The following ZER1 variants were observed in gnomAD, a reference collection of about 807,000 sequenced individuals.
ZER1 encodes the protein zyg-11 related cell cycle regulator.
ZER1 carries 11 observed loss-of-function variants against 78.8 expected under a neutral mutation model. The ratio of observed to expected loss-of-function variants is 0.14; its 90% confidence interval spans 0.09 to 0.23. The LOEUF (loss-of-function observed/expected upper bound fraction) is 0.23, where lower values mean the gene tolerates loss of function less well. ZER1 is among the 10% of genes least tolerant of loss of function. ZER1 has a pLI of 1.00. For missense variants in ZER1, 588 were observed against 996.9 expected (o/e 0.59, Z 5.52); for synonymous variants, 400 against 407.0 (o/e 0.98, Z 0.21).
chr9:128,759,745 A>C (rs1198714352), intron 1 of ZER1, among the ~76,000 whole-genome samples: 1 of 152,098 alleles, frequency 6.6e-6, no homozygotes, highest in South Asian at 2.1e-4. Context: ...CAGTGACCCA[A>C]GATGGCACCA....
At chr9:128,746,819 A>G (rs1226275557) in intron 8 of ZER1, among the ~76,000 whole-genome samples, 1 of 151,960 alleles carries the variant, frequency 6.6e-6, no homozygotes, top group South Asian at 2.1e-4. Flanking sequence ...TATTTTAAGT[A>G]GAGACCGGGT....
rs551173514 is a variant in ZER1 at position 128,751,313 on chromosome 9, C to G, written c.1039-45G>C. 2.4e-5 allele frequency: 38 copies of G among 1,605,114 alleles called. No individual in the cohort carries two copies. In the African/African-American group the frequency reaches 4.8e-4, roughly 20 times the overall value. On this transcript the variant is annotated intron_variant, in intron 6 of 15. Transcript: ENST00000291900. The surrounding 1 kb of genome is among the most constrained non-coding windows in gnomAD (Gnocchi z 5.4). ...AGAACAACCCAGCAGAGGCCAAGGG[C>G]TGGGATGCCAGATCCCAGCTCAGTC...
At chr9:128,735,952 A>AT (rs1190002597) in intron 13 of ZER1, among the ~76,000 whole-genome samples, 65 of 147,008 alleles carry the variant, frequency 4.4e-4, no homozygotes, top group African/African-American at 1.1e-3. Context: ...TAATTTTTGC[A>AT]TTTTTTTTTC....
At position 128,758,580 on chromosome 9, in the gene ZER1, G is replaced by A. The variant is rs1408215957; in HGVS notation, c.-94-2921C>T. Among the ~76,000 whole-genome samples, 5 of 151,828 alleles carry A rather than the reference G, an allele frequency of 3.3e-5. No homozygotes were observed. In the East Asian group the frequency reaches 5.8e-4, roughly 18 times the overall value. Reference sequence around the variant, plus strand: ...ACTACAGGCATGCATCACCACACCCGGCTAATCTTTCTGGTTTCTTTGTTT... The same window carrying A: ...ACTACAGGCATGCATCACCACACCCAGCTAATCTTTCTGGTTTCTTTGTTT... On this transcript the variant is annotated intron_variant, in intron 1 of 15. Transcript: ENST00000291900.
Position 128,753,018 on chromosome 9 carries a change from G to T in ZER1, c.746+146C>A. On this transcript the variant is annotated intron_variant, in intron 4 of 15. Transcript: ENST00000291900. This position sits in a 1 kb window ranked among gnomAD's most constrained non-coding sequence, Gnocchi z 7.5. Reference sequence around the variant, plus strand: ...CAGCCCCAATCCAGCTGAAACACTGGGTTTAAGGAATGGGACTGTGTCTTC... The same window carrying T: ...CAGCCCCAATCCAGCTGAAACACTGTGTTTAAGGAATGGGACTGTGTCTTC... 8.3e-7 allele frequency: 1 copy of T among 1,201,890 alleles called. No homozygotes were observed. The highest frequency in any genetic ancestry group is 1.1e-6 in the Non-Finnish European group (1 of 876,638). The allele number at this position is 1,201,890 out of a possible 1,614,324, so 74.5% of individuals were successfully genotyped here.
rs370263095 is a variant in ZER1 at position 128,750,601 on chromosome 9, C to T, written c.1359+15G>A. 121 of 1,611,038 alleles carry T rather than the reference C, an allele frequency of 7.5e-5. No homozygotes were observed. Among genetic ancestry groups the T allele is most frequent in the Non-Finnish European group, 9.2e-5 (108 of 1,177,794 alleles). On this transcript the variant is annotated intron_variant, in intron 8 of 15. Coordinates refer to ENST00000291900, the MANE Select transcript of ZER1 (RefSeq NM_006336.4). The stretch of plus-strand genomic sequence containing the variant: ...TGGGCCAGAGCATGCGGGGCCGTGG[C>T]GGGTGGGGGCTCACCGTCACCTCCT...
In ZER1 at chr9:128,753,068, C is replaced by G; in HGVS notation, c.746+96G>C. ...CATCCCCACCCTCTGCCTAGCCAAGCGCTCCTGAACCCTGAGGGCGTGACA... is the reference window on the plus strand; with the variant it reads ...CATCCCCACCCTCTGCCTAGCCAAGGGCTCCTGAACCCTGAGGGCGTGACA... On this transcript the variant is annotated intron_variant, in intron 4 of 15. Coordinates refer to ENST00000291900, the MANE Select transcript of ZER1 (RefSeq NM_006336.4). This position sits in a 1 kb window ranked among gnomAD's most constrained non-coding sequence, Gnocchi z 7.5. 3.0e-6 allele frequency: 4 copies of G among 1,317,124 alleles called. No homozygotes were observed. The highest frequency in any genetic ancestry group is 3.0e-6 in the Non-Finnish European group (3 of 986,368). The allele number at this position is 1,317,124 out of a possible 1,614,324, so 81.6% of individuals were successfully genotyped here. A position where few individuals can be genotyped will look rare whatever the true frequency, so the allele number is the denominator to read the frequency against.
intron 1 of ZER1, among the ~76,000 whole-genome samples, chr9:128,759,089 C>A (rs146060964): frequency 2.0e-5 from 3 of 151,714 alleles, no homozygotes; most frequent in Admixed American, 6.6e-5. Flanking sequence ...CTCCACCTCC[C>A]GGGTTCAAGT....
In ZER1 at chr9:128,754,769, C is replaced by G. The variant is rs57799575; in HGVS notation, c.158+639G>C. 4.6e-4 allele frequency among the ~76,000 whole-genome samples: 70 copies of G among 152,148 alleles called. No homozygotes were observed. Among genetic ancestry groups the G allele is most frequent in the African/African-American group, 1.6e-3 (66 of 41,506 alleles). ...GAATTTCTGGTCTCAAGTGATCCTC[C>G]TGTCTTGGCTTCCCAAAATGCTGGA... On this transcript the variant is annotated intron_variant, in intron 2 of 15. Coordinates refer to ENST00000291900, the MANE Select transcript of ZER1 (RefSeq NM_006336.4). The surrounding 1 kb of genome is among the most constrained non-coding windows in gnomAD (Gnocchi z 4.3).
rs983149161 is a variant in ZER1 at position 128,741,510 on chromosome 9, T to C, written c.1737+25A>G. 3.1e-6 allele frequency: 5 copies of C among 1,613,800 alleles called. No homozygotes were observed. The African/African-American group carries it at 6.7e-5, about 22-fold the overall frequency. On this transcript the variant is annotated intron_variant, in intron 11 of 15. Transcript: ENST00000291900. Reference sequence around the variant, plus strand: ...GGGCCATGTGGGCAGCTGAGGCAGCTGCTGCTGCAGGAGGTGGACACTACC... The same window carrying C: ...GGGCCATGTGGGCAGCTGAGGCAGCCGCTGCTGCAGGAGGTGGACACTACC...
Position 128,735,367 on chromosome 9 carries a change from T to C in ZER1, c.2107A>G (p.Thr703Ala), listed in dbSNP as rs771591769. ...GACACGAGGTTATACAGGGCCCAGG[T>C]TGCCCAGTGCTGGCTGACAGGAGAG... ...GISPVSQHWA[T>A]WALYNLVSVY... The change falls in exon 14 of 16, where the codon ACC becomes GCC. Residue 703 changes from threonine (T) to alanine (A), a missense_variant. Physicochemically the swap from Thr to Ala is moderately conservative, Grantham distance 58. This residue lies in a region of ZER1 where 122 missense variants were observed against 173.5 expected (regional missense o/e 0.70). Coordinates refer to ENST00000291900, the MANE Select transcript of ZER1 (RefSeq NM_006336.4). 6.2e-7 allele frequency: 1 copy of C among 1,614,042 alleles called. No homozygotes were observed. Among genetic ancestry groups the C allele is most frequent in the Admixed American group, 1.7e-5 (1 of 59,986 alleles).
intron 13 of ZER1, among the ~76,000 whole-genome samples, chr9:128,736,397 GTTT>G (rs753097804): frequency 8.1e-6 from 1 of 122,868 alleles, no homozygotes. Context: ...TTTTTTCTTT[GTTT>G]TTTTTTTTTT....
Position 128,751,667 on chromosome 9 carries a change from T to A in ZER1, c.924-140A>T. ...CCCCTACTCCTTTTGTTTTTAATGG[T>A]AGGGGACATAAGCACCACCTCCTGA... On this transcript the variant is annotated intron_variant, in intron 5 of 15. Coordinates refer to ENST00000291900, the MANE Select transcript of ZER1 (RefSeq NM_006336.4). This position sits in a 1 kb window ranked among gnomAD's most constrained non-coding sequence, Gnocchi z 5.4. 1 of 679,254 alleles carries A rather than the reference T, an allele frequency of 1.5e-6. No individual in the cohort carries two copies. Among genetic ancestry groups the A allele is most frequent in the Non-Finnish European group, 2.5e-6 (1 of 396,278 alleles). The allele number at this position is 679,254 out of a possible 1,614,324, so 42.1% of individuals were successfully genotyped here. A position where few individuals can be genotyped will look rare whatever the true frequency, so the allele number is the denominator to read the frequency against.
chr9:128,733,115 A>G, intron 15 of ZER1: 1 of 265,204 alleles, frequency 3.8e-6, no homozygotes, highest in Non-Finnish European at 7.3e-6. Context: ...AAAATAATGA[A>G]TAGTTCTGAC....
In ZER1 at chr9:128,755,172, C is replaced by A. The variant is rs1283763666; in HGVS notation, c.158+236G>T. Among the ~76,000 whole-genome samples the A allele has an allele frequency of 6.6e-6, 1 of 152,126 alleles. No homozygotes were observed. Among genetic ancestry groups the A allele is most frequent in the Non-Finnish European group, 1.5e-5 (1 of 68,022 alleles). ...GCATAAGCTTACATGTGTACACACA[C>A]CCATGCCTTCACGTGCACACCCCTC... On this transcript the variant is annotated intron_variant, in intron 2 of 15. Transcript: ENST00000291900. The surrounding 1 kb of genome is among the most constrained non-coding windows in gnomAD (Gnocchi z 5.6).
At chr9:128,742,864 G>A (rs1303766751) in intron 8 of ZER1, 119 bp from the exon 9 acceptor site, 6 of 991,406 alleles carry the variant, frequency 6.1e-6, no homozygotes, top group Non-Finnish European at 8.7e-6. Flanking sequence ...CCGGTTTTCT[G>A]GAAGAGGAGG....
rs1002253556 is a variant in ZER1 at position 128,732,477 on chromosome 9, C to G, written c.2243+949G>C. 6.6e-6 allele frequency among the ~76,000 whole-genome samples: 1 copy of G among 152,212 alleles called. No homozygotes were observed. Among genetic ancestry groups the G allele is most frequent in the African/African-American group, 2.4e-5 (1 of 41,448 alleles). ...CTCTGCCTCCTGGATTCAAGTGATT[C>G]TCCTGCCTCAGCCTCCCAAGTGGCT... On this transcript the variant is annotated intron_variant, in intron 15 of 15. Coordinates refer to ENST00000291900, the MANE Select transcript of ZER1 (RefSeq NM_006336.4). The surrounding 1 kb of genome is among the most constrained non-coding windows in gnomAD (Gnocchi z 4.8).
At position 128,730,773 on chromosome 9, in the gene ZER1, T is replaced by G. The variant is rs978125974; in HGVS notation, c.*564A>C. The G allele has an allele frequency of 6.5e-6, 1 of 152,740 alleles. No individual in the cohort carries two copies. The highest frequency in any genetic ancestry group is 1.5e-5 in the Non-Finnish European group (1 of 68,142). The allele number at this position is 152,740 out of a possible 1,614,324, so 9.5% of individuals were successfully genotyped here. A position where few individuals can be genotyped will look rare whatever the true frequency, so the allele number is the denominator to read the frequency against. On this transcript the variant is annotated 3_prime_UTR_variant, in exon 16 of 16. Transcript: ENST00000291900. ...GAATGGCTCACTTTCCTGCCCCAGA[T>G]GGCCCACAGCCGGGAGCACCAAGGC...
chr9:128,742,450 C>G (rs1195851174), intron 9 of ZER1, 80 bp downstream of exon 9: 1 of 1,547,842 alleles, frequency 6.5e-7, no homozygotes, highest in East Asian at 2.3e-5. Flanking sequence ...AGGCCCTGCT[C>G]TGAGACTCTC....
Sources: allele counts gnomAD v4.1 joint callset (sites outside exome capture counted in the v4.1 genomes callset), GRCh38; gene constraint gnomAD v4.1.1; regional missense constraint gnomAD v4.1.1; non-coding constraint Gnocchi (gnomAD v3.1); transcripts MANE v1.5; gene names NCBI Gene and HGNC (gene_info 2026-07-23, HGNC 2026-07-21).